Variants in PEDS1 observed in about 807,000 individuals in gnomAD.
PEDS1 encodes CarF homolog.
Under a neutral mutation model 35.2 loss-of-function variants are expected in PEDS1, and 14 were observed. That is an observed-to-expected ratio of 0.40 (90% CI 0.26 to 0.62). PEDS1 has a LOEUF of 0.62. Among genes scored for constraint, PEDS1 ranks in the 20% least tolerant of loss-of-function variants. The pLI, the probability that PEDS1 is intolerant of heterozygous loss-of-function variation, is 0.44. For missense variants in PEDS1, 260 were observed against 367.8 expected (o/e 0.71, Z 2.40); for synonymous variants, 152 against 152.0 (o/e 1.00, Z 0.00).
intron 2 of PEDS1, among the ~76,000 whole-genome samples, chr20:50,143,117 T>G (rs1601227776): frequency 6.6e-6 from 1 of 151,360 alleles, no homozygotes; most frequent in Non-Finnish European, 1.5e-5. Context: ...AGGGCAAAGG[T>G]GAAGGCAGGG....
At position 50,145,894 on chromosome 20, in the gene PEDS1, T is replaced by C. The variant is rs111799806; in HGVS notation, c.122-2273A>G. 4.7e-3 allele frequency among the ~76,000 whole-genome samples: 717 copies of C among 152,246 alleles called. 10 individuals carry two copies. The highest frequency in any genetic ancestry group is 0.016 in the African/African-American group (677 of 41,524). ...GATGTCCTTTTGCAGATGAGAAAACTGACCATCAGAGTGGTCAAGGAAGTA... is the reference window on the plus strand; with the variant it reads ...GATGTCCTTTTGCAGATGAGAAAACCGACCATCAGAGTGGTCAAGGAAGTA... On this transcript the variant is annotated intron_variant, in intron 1 of 5. Transcript: ENST00000371652.
chr20:50,143,435 C>T, intron 2 of PEDS1, 67 bp downstream of exon 2: 2 of 1,556,150 alleles, frequency 1.3e-6, no homozygotes, highest in Non-Finnish European at 1.7e-6. Context: ...CACACACGCG[C>T]CAGTTACCCG....
At chr20:50,150,674 A>C (rs923452500) in intron 1 of PEDS1, among the ~76,000 whole-genome samples, 6 of 151,732 alleles carry the variant, frequency 4.0e-5, no homozygotes, top group African/African-American at 1.5e-4. Context: ...CTATTTACTA[A>C]AATGCCAGCT....
At chr20:50,135,658 CAAAAAAAA>C (rs34069451) in intron 2 of PEDS1, among the ~76,000 whole-genome samples, 5 of 37,850 alleles carry the variant, frequency 1.3e-4, no homozygotes, top group East Asian at 9.6e-4. Flanking sequence ...AACTCCATCT[CAAAAAAAA>C]AAAAAAAAAA....
chr20:50,124,953 G>A lies in PEDS1; in HGVS notation c.*105C>T. 5 of 1,518,828 alleles carry A rather than the reference G, an allele frequency of 3.3e-6. No individual in the cohort carries two copies. The highest frequency in any genetic ancestry group is 4.5e-6 in the Non-Finnish European group (5 of 1,113,768). The allele number at this position is 1,518,828 out of a possible 1,614,324, so 94.1% of individuals were successfully genotyped here. ...GGTACCTGGGCCCAGCCCAGGAGAT[G>A]TCCTCTCCATCTGGAGGGGCCAGCT... On this transcript the variant is annotated 3_prime_UTR_variant, in exon 6 of 6. Transcript: ENST00000371652.
chr20:50,150,015 C>T (rs180939749), intron 1 of PEDS1, among the ~76,000 whole-genome samples: 223 of 152,278 alleles, frequency 1.5e-3, no homozygotes, highest in Admixed American at 4.5e-3. Flanking sequence ...TAGGTTCAGT[C>T]CCTGTCCTGC....
chr20:50,136,722 C>CCA lies in PEDS1; in HGVS notation c.242-5776_242-5775insTG, dbSNP rs2081238715. 4.3e-5 allele frequency among the ~76,000 whole-genome samples: 3 copies of CCA among 70,134 alleles called. No individual in the cohort carries two copies. In the East Asian group the frequency reaches 1.3e-3, roughly 31 times the overall value. 46.0% of individuals were successfully genotyped at this position (70,134 alleles called of 152,430 possible). A position where few individuals can be genotyped will look rare whatever the true frequency, so the allele number is the denominator to read the frequency against. ...TGGGTGACAGAGTGAGACTCTGCCT[C>CCA]AAAAAAAAAAAAAAAAAAAAAGAGG... On this transcript the variant is annotated intron_variant, in intron 2 of 5. Transcript: ENST00000371652.
At chr20:50,138,400 A>C (rs1199861245) in intron 2 of PEDS1, among the ~76,000 whole-genome samples, 2 of 152,184 alleles carry the variant, frequency 1.3e-5, no homozygotes, top group Non-Finnish European at 2.9e-5. Context: ...GGTATGGAGA[A>C]TGGGGACATT....
intron 2 of PEDS1, among the ~76,000 whole-genome samples, chr20:50,143,137 A>G (rs748131261): frequency 1.3e-5 from 2 of 152,136 alleles, no homozygotes; most frequent in African/African-American, 2.4e-5. Context: ...GAGACCAGGA[A>G]GAAGGCTCCT....
At chr20:50,137,887 A>C (rs545012618) in intron 2 of PEDS1, among the ~76,000 whole-genome samples, 1 of 152,286 alleles carries the variant, frequency 6.6e-6, no homozygotes, top group East Asian at 1.9e-4. Context: ...ACAAACAAAA[A>C]AAACTGGACA....
intron 2 of PEDS1, among the ~76,000 whole-genome samples, chr20:50,143,089 G>A (rs545230833): frequency 6.6e-6 from 1 of 152,238 alleles, no homozygotes; most frequent in South Asian, 2.1e-4. Context: ...AGCTAGCCAT[G>A]TGGAGACTGG....
At position 50,129,758 on chromosome 20, in the gene PEDS1, A is replaced by G. The variant is rs2081154557; in HGVS notation, c.334-68T>C. 1 of 1,587,854 alleles carries G rather than the reference A, an allele frequency of 6.3e-7. No individual in the cohort carries two copies. The highest frequency in any genetic ancestry group is 1.3e-5 in the African/African-American group (1 of 74,498). ...GGTCAGCTGCTCTCCACAGCCCCCT[A>G]AACACATTCACCCTGGGCTCACCTC... is the stretch of plus-strand genomic sequence containing the variant. On this transcript the variant is annotated intron_variant, in intron 3 of 5. Coordinates refer to ENST00000371652, the MANE Select transcript of PEDS1 (RefSeq NM_199129.4). This position sits in a 1 kb window ranked among gnomAD's most constrained non-coding sequence, Gnocchi z 4.2.
intron 1 of PEDS1, among the ~76,000 whole-genome samples, chr20:50,145,216 A>G (rs2081333600): frequency 6.6e-6 from 1 of 151,860 alleles, no homozygotes. Context: ...AATAAAAACT[A>G]AAATAAAAAT....
At position 50,124,128 on chromosome 20, in the gene PEDS1, C is replaced by A. The variant is rs1224115719; in HGVS notation, c.*930G>T. ...CACGTCCCAGGCTCCTTGATACCCC[C>A]CACCCCACCCAGCCAGGAAACACCA... is the stretch of plus-strand genomic sequence containing the variant. On this transcript the variant is annotated 3_prime_UTR_variant, in exon 6 of 6. Transcript: ENST00000371652. The A allele has an allele frequency of 6.6e-6, 1 of 152,614 alleles. No homozygotes were observed. Among genetic ancestry groups the A allele is most frequent in the East Asian group, 1.9e-4 (1 of 5,196 alleles). 9.5% of individuals were successfully genotyped at this position (152,614 alleles called of 1,614,324 possible). A position where few individuals can be genotyped will look rare whatever the true frequency, so the allele number is the denominator to read the frequency against.
chr20:50,125,075 C>A lies in PEDS1; in HGVS notation c.796G>T (p.Ala266Ser). The A allele has an allele frequency of 1.2e-6, 2 of 1,614,062 alleles. No homozygotes were observed. The highest frequency in any genetic ancestry group is 1.7e-6 in the Non-Finnish European group (2 of 1,179,962). The change falls in exon 6 of 6, where the codon GCC becomes TCC. Residue 266 changes from alanine to serine, a missense_variant. Coordinates refer to ENST00000371652, the MANE Select transcript of PEDS1 (RefSeq NM_199129.4). ...EKPRADDMKWAQKIK is the reference protein window; with the variant it reads ...EKPRADDMKWSQKIK ...CGGAGAAGTTATTTGATCTTCTGGG[C>A]CCATTTCATGTCATCTGCCCGAGGC...
chr20:50,143,016 T>A (rs2081310022), intron 2 of PEDS1, among the ~76,000 whole-genome samples: 1 of 152,086 alleles, frequency 6.6e-6, no homozygotes, highest in African/African-American at 2.4e-5. Flanking sequence ...TCTATTCAGC[T>A]GCAGATGTAT....
intron 2 of PEDS1, among the ~76,000 whole-genome samples, chr20:50,139,671 A>C (rs1021113738): frequency 3.1e-4 from 43 of 138,764 alleles, no homozygotes; most frequent in Non-Finnish European, 1.1e-4. Flanking sequence ...TGACCCCCGG[A>C]TTTCTTTCTT....
intron 5 of PEDS1, among the ~76,000 whole-genome samples, chr20:50,126,269 A>G (rs574265099): frequency 6.6e-6 from 1 of 152,290 alleles, no homozygotes; most frequent in East Asian, 1.9e-4. Flanking sequence ...GGTAGATACT[A>G]ATATCAGTCC....
chr20:50,151,872 C>G (rs1238299748), intron 1 of PEDS1, among the ~76,000 whole-genome samples: 2 of 152,050 alleles, frequency 1.3e-5, no homozygotes, highest in East Asian at 3.9e-4. Flanking sequence ...ACAAATAAAA[C>G]AAAACAAAAC....
Sources: allele counts gnomAD v4.1 joint callset (sites outside exome capture counted in the v4.1 genomes callset), GRCh38; gene constraint gnomAD v4.1.1; non-coding constraint Gnocchi (gnomAD v3.1); transcripts MANE v1.5; gene names NCBI Gene and HGNC (gene_info 2026-07-23, HGNC 2026-07-21).